The following AAMDC variants were observed in gnomAD, a reference collection of about 807,000 sequenced individuals.
AAMDC encodes adipogenesis associated Mth938 domain containing, also known as mth938 domain-containing protein.
Under a neutral mutation model 15.5 loss-of-function variants are expected in AAMDC, and 16 were observed. That is an observed-to-expected ratio of 1.03 (90% CI 0.70 to 1.57). The LOEUF (loss-of-function observed/expected upper bound fraction) is 1.57. AAMDC is among the 40% of genes most tolerant of loss of function. AAMDC has a pLI of 0.00. For missense variants in AAMDC, 141 were observed against 144.9 expected (o/e 0.97, Z 0.14); for synonymous variants, 51 against 51.6 (o/e 0.99, Z 0.05).
intron 3 of AAMDC, among the ~76,000 whole-genome samples, chr11:77,870,520 G>A (rs1426356730): frequency 2.6e-5 from 4 of 151,412 alleles, no homozygotes; most frequent in Non-Finnish European, 1.5e-5. Context: ...TGTATTTTTA[G>A]TAGAGACGGG....
chr11:77,891,618 C>A, intron 5 of AAMDC: 2 of 1,580,372 alleles, frequency 1.3e-6, no homozygotes, highest in Non-Finnish European at 1.7e-6. Context: ...AAGAAGATCA[C>A]CAAGGTAAAG....
intron 2 of AAMDC, among the ~76,000 whole-genome samples, chr11:77,843,021 C>G (rs1949998181): frequency 6.6e-6 from 1 of 152,148 alleles, no homozygotes; most frequent in Non-Finnish European, 1.5e-5. Flanking sequence ...TTACATCATT[C>G]AGATATCTTA....
downstream of AAMDC, among the ~76,000 whole-genome samples, chr11:77,873,923 A>AAAG (rs1951525906): frequency 6.6e-6 from 1 of 152,212 alleles, no homozygotes; most frequent in Non-Finnish European, 1.5e-5. Context: ...GCAGCAGTGG[A>AAAG]AAGATGATTT....
chr11:77,855,219 C>T (rs573874427), intron 2 of AAMDC: 1 of 152,360 alleles, frequency 6.6e-6, no homozygotes, highest in East Asian at 1.9e-4. Context: ...AAATTCCTTC[C>T]AGGAATTTTC....
chr11:77,892,687 A>G (rs1952327660), intron 5 of AAMDC, among the ~76,000 whole-genome samples: 1 of 151,960 alleles, frequency 6.6e-6, no homozygotes, highest in Non-Finnish European at 1.5e-5. Flanking sequence ...GGTTCAAGCA[A>G]TTCTCCTGCC....
intron 5 of AAMDC, among the ~76,000 whole-genome samples, chr11:77,897,667 A>ATT (rs35910839): frequency 2.5e-4 from 36 of 145,924 alleles, no homozygotes; most frequent in East Asian, 2.4e-3. Context: ...CGCCCGGCTA[A>ATT]TTTTTTTTTT....
At chr11:77,899,727 A>G (rs527690128) in intron 5 of AAMDC, among the ~76,000 whole-genome samples, 1 of 152,254 alleles carries the variant, frequency 6.6e-6, no homozygotes, top group East Asian at 1.9e-4. Context: ...ACCTAAAAAC[A>G]TTAGTATCTT....
chr11:77,844,485 C>A (rs970821216), intron 2 of AAMDC, among the ~76,000 whole-genome samples: 2 of 152,074 alleles, frequency 1.3e-5, no homozygotes, highest in Non-Finnish European at 2.9e-5. Flanking sequence ...CCCTCAGCCT[C>A]CTGAGTAGCA....
At chr11:77,837,055 A>AT (rs1197387104) in intron 1 of AAMDC, among the ~76,000 whole-genome samples, 13 of 152,240 alleles carry the variant, frequency 8.5e-5, no homozygotes, top group African/African-American at 3.1e-4. Context: ...TGTTTTATGA[A>AT]TTTGTATCTT....
intron 5 of AAMDC, among the ~76,000 whole-genome samples, chr11:77,895,955 A>G (rs1180724010): frequency 6.6e-6 from 1 of 152,152 alleles, no homozygotes; most frequent in African/African-American, 2.4e-5. Flanking sequence ...AATACAAATT[A>G]CCAATTTAAA....
intron 1 of AAMDC, among the ~76,000 whole-genome samples, chr11:77,826,244 C>T (rs189713856): frequency 6.6e-6 from 1 of 151,994 alleles, no homozygotes; most frequent in South Asian, 2.1e-4. Flanking sequence ...TGCCTGTAGT[C>T]CCAGCTACTC....
At chr11:77,864,506 C>T (rs1301273342) in intron 2 of AAMDC, among the ~76,000 whole-genome samples, 1 of 152,066 alleles carries the variant, frequency 6.6e-6, no homozygotes, top group Admixed American at 6.6e-5. Flanking sequence ...TAATTAGTTG[C>T]CTTGCATTTA....
intron 1 of AAMDC, among the ~76,000 whole-genome samples, chr11:77,833,387 T>A (rs896418379): frequency 7.9e-5 from 12 of 152,166 alleles, no homozygotes; most frequent in Non-Finnish European, 1.3e-4. Context: ...TAGATTTTCA[T>A]AAGGGACTGT....
intron 5 of AAMDC, among the ~76,000 whole-genome samples, chr11:77,882,641 G>A (rs752414128): frequency 6.6e-6 from 1 of 152,184 alleles, no homozygotes; most frequent in Non-Finnish European, 1.5e-5. Context: ...AGGGAAGCAC[G>A]TCCTGGGTAG....
chr11:77,851,417 AGCTGTTCCTT>A (rs1294723689), intron 2 of AAMDC: 2 of 152,336 alleles, frequency 1.3e-5, no homozygotes, highest in African/African-American at 4.8e-5. Context: ...AGCTGTTCCT[AGCTGTTCCTT>A]GTGTTTTTGT....
intron 5 of AAMDC, chr11:77,883,719 A>G: frequency 8.6e-7 from 1 of 1,161,200 alleles, no homozygotes; most frequent in South Asian, 1.5e-5. Flanking sequence ...TTCAATTCTT[A>G]CAAGGCCTGA....
intron 3 of AAMDC, among the ~76,000 whole-genome samples, chr11:77,905,914 A>G (rs1238093655): frequency 6.6e-6 from 1 of 152,206 alleles, no homozygotes; most frequent in Non-Finnish European, 1.5e-5. Flanking sequence ...CTGAGTGTTT[A>G]TGCTTGCAAA....
chr11:77,871,527 G>T (rs2136318753), intron 3 of AAMDC, among the ~76,000 whole-genome samples: 1 of 152,260 alleles, frequency 6.6e-6, no homozygotes. Flanking sequence ...GCTAGTAGGG[G>T]GTGGGCAAGA....
chr11:77,841,798 C>T (rs1324829390), intron 1 of AAMDC, among the ~76,000 whole-genome samples: 2 of 152,186 alleles, frequency 1.3e-5, no homozygotes, highest in African/African-American at 4.8e-5. Context: ...CAATCCATAG[C>T]TTGCCTCAAA....
Sources: allele counts gnomAD v4.1 joint callset (sites outside exome capture counted in the v4.1 genomes callset), GRCh38; gene constraint gnomAD v4.1.1; transcripts MANE v1.5; gene names NCBI Gene and HGNC (gene_info 2026-07-23, HGNC 2026-07-21).